The following RPS6KA3 variants were observed in gnomAD, a reference collection of about 807,000 sequenced individuals.
The protein encoded by RPS6KA3 is ribosomal protein S6 kinase alpha-3.
RPS6KA3 carries 4 observed loss-of-function variants against 67.2 expected under a neutral mutation model. The ratio of observed to expected loss-of-function variants is 0.06; its 90% CI spans 0.03 to 0.14. The LOEUF is 0.14. Among genes scored for constraint, RPS6KA3 ranks in the 10% least tolerant of loss-of-function variants. RPS6KA3 has a pLI of 1.00. For synonymous variants in RPS6KA3, 182 were observed against 183.7 expected (o/e 0.99, Z 0.07); for missense variants, 204 against 559.0 (o/e 0.36, Z 6.40).
At chrX:20,230,050 C>A (rs1428729364) in intron 2 of RPS6KA3, among the ~76,000 whole-genome samples, 1 of 112,616 alleles carries the variant, frequency 8.9e-6, no homozygotes, top group Non-Finnish European at 1.9e-5. Flanking sequence ...ATACTACAGA[C>A]TAATGAAGTA....
intron 4 of RPS6KA3, among the ~76,000 whole-genome samples, chrX:20,197,676 G>C (rs2068308295): frequency 8.9e-6 from 1 of 111,826 alleles, no homozygotes; most frequent in African/African-American, 3.2e-5. Context: ...CCTTCATTTT[G>C]TCTGAGGTAG....
At chrX:20,229,599 C>G (rs1171422832) in intron 2 of RPS6KA3, among the ~76,000 whole-genome samples, 1 of 112,116 alleles carries the variant, frequency 8.9e-6, no homozygotes, top group Admixed American at 9.5e-5. Flanking sequence ...TGTAACACAT[C>G]AAATAGATAA....
chrX:20,227,339 T>C (rs1214004079), intron 2 of RPS6KA3, among the ~76,000 whole-genome samples: 2 of 111,938 alleles, frequency 1.8e-5, no homozygotes, highest in Non-Finnish European at 3.8e-5. Flanking sequence ...CTTACTTAGT[T>C]AATAACCCTC....
rs2148663889 is a variant in RPS6KA3, at chrX:20,176,191, G to A, written c.1102+59C>T. 7.4e-6 allele frequency: 6 copies of A among 807,344 alleles called. No individual in the cohort carries two copies. In the East Asian group the frequency reaches 1.9e-4, roughly 25 times the overall value. The allele number at this position is 807,344 out of a possible 1,213,427, so 66.5% of individuals were successfully genotyped here. A position where few individuals can be genotyped will look rare whatever the true frequency, so the allele number is the denominator to read the frequency against. On this transcript the variant is annotated intron_variant, in intron 13 of 21. Coordinates refer to ENST00000379565, the MANE Select transcript of RPS6KA3 (RefSeq NM_004586.3). Reference sequence around the variant, plus strand: ...CAGAGTCTGGAAAAGATTTTCTGATGAAACAAGAAAAAAACATATTTGTTG... The same window carrying A: ...CAGAGTCTGGAAAAGATTTTCTGATAAAACAAGAAAAAAACATATTTGTTG...
intron 10 of RPS6KA3, among the ~76,000 whole-genome samples, chrX:20,185,591 T>C (rs1399139996): frequency 1.8e-5 from 2 of 111,506 alleles, no homozygotes; most frequent in African/African-American, 6.5e-5. Flanking sequence ...TTTTGCTATG[T>C]TGTGCAGGCT....
intron 2 of RPS6KA3, among the ~76,000 whole-genome samples, chrX:20,213,351 C>T (rs1175818979): frequency 8.9e-6 from 1 of 111,969 alleles, no homozygotes; most frequent in Non-Finnish European, 1.9e-5. Flanking sequence ...ACAATGTCTA[C>T]TGACTTAAGA....
chrX:20,160,676 A>G (rs1428360484), intron 20 of RPS6KA3, among the ~76,000 whole-genome samples: 1 of 111,500 alleles, frequency 9.0e-6, no homozygotes, highest in East Asian at 2.8e-4. Context: ...TGATCCGCCC[A>G]CCTCGGCCTC....
intron 10 of RPS6KA3, among the ~76,000 whole-genome samples, chrX:20,185,812 G>A (rs924001340): frequency 8.0e-5 from 9 of 111,811 alleles, no homozygotes; most frequent in African/African-American, 2.6e-4. Flanking sequence ...TTAACATGAA[G>A]ATAATATGAG....
chrX:20,222,130 G>A (rs1033140987), intron 2 of RPS6KA3, among the ~76,000 whole-genome samples: 2 of 112,741 alleles, frequency 1.8e-5, no homozygotes, highest in Non-Finnish European at 3.7e-5. Context: ...GCCCGTTATA[G>A]ACAAAGTTTG....
chrX:20,244,240 T>G (rs2069626484), intron 1 of RPS6KA3, among the ~76,000 whole-genome samples: 1 of 111,814 alleles, frequency 8.9e-6, no homozygotes, highest in Non-Finnish European at 1.9e-5. Flanking sequence ...CTTGGCTCAC[T>G]GCAGCTTCAA....
rs1327104134 is a variant in RPS6KA3 at position 20,266,585 on chromosome X, C to G, written c.48G>C (p.Glu16Asp). ...LADPWQKMAV[E>D]SPSDSAENGQ... The stretch of plus-strand genomic sequence containing the variant: ...TCACCTCAGCGCTGTCGGACGGGCT[C>G]TCCACAGCCATCTTCTGCCACGGGT... Residue 16 changes from glutamate to aspartate, a missense_variant, in exon 1 of 22, where the codon GAG becomes GAC. Physicochemically the swap from Glu to Asp is conservative, Grantham distance 45. This residue lies in a region of RPS6KA3 where 31 missense variants were observed against 42.5 expected (regional missense o/e 0.73). Transcript: ENST00000379565. 2 of 1,153,625 alleles carry G rather than the reference C, an allele frequency of 1.7e-6. No individual in the cohort carries two copies. The highest frequency in any genetic ancestry group is 2.6e-5 in the Admixed American group (1 of 38,553).
chrX:20,206,926 C>T (rs772294608), intron 3 of RPS6KA3, among the ~76,000 whole-genome samples: 1 of 111,913 alleles, frequency 8.9e-6, no homozygotes, highest in African/African-American at 3.2e-5. Context: ...GACCAGAACA[C>T]AGAGAGTGAA....
intron 1 of RPS6KA3, among the ~76,000 whole-genome samples, chrX:20,253,287 T>C (rs1019915313): frequency 1.1e-4 from 12 of 109,893 alleles, no homozygotes; most frequent in African/African-American, 4.0e-4. Flanking sequence ...GTAGGGTGAG[T>C]ATTGTCAAAA....
intron 1 of RPS6KA3, among the ~76,000 whole-genome samples, chrX:20,236,149 AC>A (rs973387633): frequency 1.2e-4 from 13 of 111,519 alleles, no homozygotes; most frequent in African/African-American, 3.9e-4. Context: ...GGAAGGATAT[AC>A]ACCAAAATGT....
At chrX:20,180,814 T>C (rs1169101209) in intron 10 of RPS6KA3, among the ~76,000 whole-genome samples, 1 of 112,524 alleles carries the variant, frequency 8.9e-6, no homozygotes, top group African/African-American at 3.2e-5. Context: ...ATGCTTTTTG[T>C]TTCAGATATT....
chrX:20,232,905 T>C (rs1330865368), intron 2 of RPS6KA3, among the ~76,000 whole-genome samples: 1 of 111,811 alleles, frequency 8.9e-6, no homozygotes, highest in Non-Finnish European at 1.9e-5. Flanking sequence ...GAGGCGAAGA[T>C]GGGTGGATCA....
At chrX:20,202,455 T>C (rs2068466362) in intron 4 of RPS6KA3, among the ~76,000 whole-genome samples, 1 of 111,939 alleles carries the variant, frequency 8.9e-6, no homozygotes, top group South Asian at 3.7e-4. Flanking sequence ...AATAACACAC[T>C]AAGTTAGTGC....
intron 1 of RPS6KA3, among the ~76,000 whole-genome samples, chrX:20,243,660 A>AT (rs1430987267): frequency 7.0e-4 from 69 of 99,033 alleles, no homozygotes; most frequent in Middle Eastern, 0.01. Context: ...TAATTTTTGT[A>AT]TTTTTTTTTT....
chrX:20,199,624 C>A (rs1463504877), intron 4 of RPS6KA3, among the ~76,000 whole-genome samples: 1 of 111,813 alleles, frequency 8.9e-6, no homozygotes, highest in Admixed American at 9.5e-5. Context: ...AAAACTTTCC[C>A]AAGACTGAAG....
Sources: allele counts gnomAD v4.1 joint callset (sites outside exome capture counted in the v4.1 genomes callset), GRCh38; gene constraint gnomAD v4.1.1; regional missense constraint gnomAD v4.1.1; transcripts MANE v1.5; gene names NCBI Gene and HGNC (gene_info 2026-07-23, HGNC 2026-07-21).